MIPOL1: variants seen among roughly 807,000 people sequenced by gnomAD.
The protein encoded by MIPOL1 is mirror-image polydactyly gene 1 protein.
Under a neutral mutation model 60.9 loss-of-function variants are expected in MIPOL1, and 57 were observed. The ratio of observed to expected loss-of-function variants is 0.94; its 90% confidence interval spans 0.76 to 1.17. The LOEUF (loss-of-function observed/expected upper bound fraction) is 1.17. Ranked by LOEUF, MIPOL1 falls within the 50% of genes most tolerant of loss-of-function variation. MIPOL1 has a pLI of 0.00. For missense variants in MIPOL1, 551 were observed against 511.6 expected, an observed-to-expected ratio of 1.08 and a Z score of -0.74; for synonymous variants, 179 against 168.8, an observed-to-expected ratio of 1.06 and a Z score of -0.47.
intron 10 of MIPOL1, among the ~76,000 whole-genome samples, chr14:37,396,668 T>A (rs1285413452): frequency 6.6e-6 from 1 of 152,102 alleles, no homozygotes; most frequent in Non-Finnish European, 1.5e-5. Flanking sequence ...TTTGTTCATA[T>A]TTTCTTATTC....
At chr14:37,304,932 T>G (rs1307178483) in intron 7 of MIPOL1, among the ~76,000 whole-genome samples, 1 of 151,874 alleles carries the variant, frequency 6.6e-6, no homozygotes, top group Non-Finnish European at 1.5e-5. Context: ...GTGAACCCCA[T>G]ATTAATGAGA....
chr14:37,204,018 G>A (rs1281011113), intron 1 of MIPOL1, among the ~76,000 whole-genome samples: 1 of 151,938 alleles, frequency 6.6e-6, no homozygotes, highest in Non-Finnish European at 1.5e-5. Context: ...TCCTGACCAC[G>A]TGGTCCGCCC....
At chr14:37,373,831 C>A (rs2092705091) in intron 10 of MIPOL1, among the ~76,000 whole-genome samples, 1 of 152,086 alleles carries the variant, frequency 6.6e-6, no homozygotes, top group Non-Finnish European at 1.5e-5. Context: ...GTGAACAGTT[C>A]CACAATAAAC....
At chr14:37,472,477 T>C (rs1356741506) in intron 11 of MIPOL1, among the ~76,000 whole-genome samples, 1 of 152,152 alleles carries the variant, frequency 6.6e-6, no homozygotes, top group Non-Finnish European at 1.5e-5. Flanking sequence ...AAAAATTCTT[T>C]TGGCTAGAAC....
At chr14:37,393,429 G>A (rs1163827294) in intron 10 of MIPOL1, among the ~76,000 whole-genome samples, 1 of 146,312 alleles carries the variant, frequency 6.8e-6, no homozygotes, top group Non-Finnish European at 1.5e-5. Context: ...TGTGTGTGGC[G>A]GGGGTGGGGG....
chr14:37,264,593 A>C (rs2082736612), intron 3 of MIPOL1, among the ~76,000 whole-genome samples: 1 of 152,006 alleles, frequency 6.6e-6, no homozygotes, highest in Non-Finnish European at 1.5e-5. Context: ...GTGCTACTGC[A>C]CTCCAACGTG....
intron 12 of MIPOL1, among the ~76,000 whole-genome samples, chr14:37,510,373 C>G (rs2095318424): frequency 6.6e-6 from 1 of 152,012 alleles, no homozygotes; most frequent in Non-Finnish European, 1.5e-5. Flanking sequence ...CGTCACCACA[C>G]CTGGCCAATA....
chr14:37,271,155 A>G (rs2083274154), intron 6 of MIPOL1, among the ~76,000 whole-genome samples: 1 of 152,048 alleles, frequency 6.6e-6, no homozygotes, highest in Admixed American at 6.6e-5. Context: ...TATTTTTGAT[A>G]TGTTATAGAT....
chr14:37,482,218 A>C (rs948362385), intron 11 of MIPOL1, among the ~76,000 whole-genome samples: 3 of 152,178 alleles, frequency 2.0e-5, no homozygotes, highest in African/African-American at 7.2e-5. Flanking sequence ...AAGGCACTCA[A>C]CTCAATAGCA....
At chr14:37,450,987 A>G (rs149749551) in intron 11 of MIPOL1, among the ~76,000 whole-genome samples, 1,555 of 152,292 alleles carry the variant, frequency 0.01, 30 homozygotes, top group African/African-American at 0.034. Flanking sequence ...TTCTGTATTC[A>G]CTTAAAAATT....
chr14:37,461,588 A>T (rs929047268), intron 11 of MIPOL1, among the ~76,000 whole-genome samples: 2 of 152,058 alleles, frequency 1.3e-5, no homozygotes, highest in African/African-American at 4.8e-5. Flanking sequence ...TCCCCCAAAC[A>T]GTCTGCTTAT....
chr14:37,476,157 C>A (rs2094770558), intron 11 of MIPOL1, among the ~76,000 whole-genome samples: 1 of 152,126 alleles, frequency 6.6e-6, no homozygotes, highest in African/African-American at 2.4e-5. Flanking sequence ...CTCTTTTCGG[C>A]ATTAATGTAA....
intron 7 of MIPOL1, among the ~76,000 whole-genome samples, chr14:37,287,980 A>G (rs146095121): frequency 2.8e-4 from 43 of 152,238 alleles, no homozygotes; most frequent in Admixed American, 4.6e-4. Context: ...ACTCTCAGGT[A>G]TGAATTGACC....
At chr14:37,508,065 T>C (rs2095295538) in intron 12 of MIPOL1, among the ~76,000 whole-genome samples, 1 of 152,170 alleles carries the variant, frequency 6.6e-6, no homozygotes, top group Admixed American at 6.5e-5. Flanking sequence ...TTTATTGAGT[T>C]TAAGAGAAAT....
At chr14:37,263,170 C>A (rs1594792169) in intron 3 of MIPOL1, among the ~76,000 whole-genome samples, 1 of 152,116 alleles carries the variant, frequency 6.6e-6, no homozygotes, top group Admixed American at 6.6e-5. Context: ...ACTTTCCAGA[C>A]TAAGGAATTG....
chr14:37,370,210 C>T (rs928266931), intron 10 of MIPOL1, among the ~76,000 whole-genome samples: 4 of 152,054 alleles, frequency 2.6e-5, no homozygotes, highest in African/African-American at 7.2e-5. Context: ...TATTATAGAT[C>T]GAGTAATTAT....
intron 1 of MIPOL1, among the ~76,000 whole-genome samples, chr14:37,216,687 C>T (rs1229451742): frequency 6.6e-6 from 1 of 152,106 alleles, no homozygotes; most frequent in Non-Finnish European, 1.5e-5. Flanking sequence ...GAATAACCAG[C>T]TGGTCAATGA....
chr14:37,233,269 T>C (rs537539793), intron 1 of MIPOL1, among the ~76,000 whole-genome samples: 3 of 152,342 alleles, frequency 2.0e-5, no homozygotes, highest in African/African-American at 7.2e-5. Context: ...ACTTGTGGCC[T>C]GAGTGCAATT....
chr14:37,342,369 A>C (rs559479204), intron 9 of MIPOL1, among the ~76,000 whole-genome samples: 1 of 151,884 alleles, frequency 6.6e-6, no homozygotes, highest in East Asian at 2.0e-4. Context: ...TAAAAAAAAA[A>C]GCATGCTAAG....
Sources: gnomAD v4.1 joint callset for allele counts (sites outside exome capture counted in the v4.1 genomes callset) on GRCh38, gnomAD v4.1.1 for gene constraint, MANE v1.5 for transcripts, NCBI Gene and HGNC (gene_info 2026-07-23, HGNC 2026-07-21) for gene names.